SHISA6: variants seen among roughly 807,000 people sequenced by gnomAD.
The protein encoded by SHISA6 is shisa family member 6, also known as protein shisa-6.
Under a neutral mutation model 47.9 loss-of-function variants are expected in SHISA6, and 22 were observed. The ratio of observed to expected loss-of-function variants is 0.46; its 90% CI spans 0.33 to 0.66. The LOEUF (loss-of-function observed/expected upper bound fraction) is 0.66. SHISA6 is among the 30% of genes least tolerant of loss of function. The probability of loss-of-function intolerance (pLI) is 0.02; values close to 1 mark genes in which losing one functional copy is unlikely to be tolerated. For missense variants in SHISA6, 680 were observed against 764.6 expected (o/e 0.89, Z 1.30); for synonymous variants, 388 against 337.8 (o/e 1.15, Z -1.63).
intron 2 of SHISA6, among the ~76,000 whole-genome samples, chr17:11,332,928 T>G (rs2142206155): frequency 6.6e-6 from 1 of 152,124 alleles, no homozygotes; most frequent in South Asian, 2.1e-4. Context: ...GTGGTAGAAG[T>G]CAAACTGCCA....
At chr17:11,440,348 G>C (rs1915061269) in intron 3 of SHISA6, among the ~76,000 whole-genome samples, 1 of 152,066 alleles carries the variant, frequency 6.6e-6, no homozygotes, top group Admixed American at 6.6e-5. Flanking sequence ...GGGATATAAA[G>C]GAAGTATAGA....
chr17:11,459,644 C>T (rs1453105325), intron 3 of SHISA6, among the ~76,000 whole-genome samples: 1 of 152,194 alleles, frequency 6.6e-6, no homozygotes, highest in Non-Finnish European at 1.5e-5. Context: ...TGAAGGTCCA[C>T]ACTCCCTAGC....
At chr17:11,407,098 C>T (rs1913988584) in intron 3 of SHISA6, among the ~76,000 whole-genome samples, 1 of 152,064 alleles carries the variant, frequency 6.6e-6, no homozygotes, top group Non-Finnish European at 1.5e-5. Context: ...TAATAGCTAG[C>T]ACTTATAGAG....
At chr17:11,410,077 G>C (rs1018095388) in intron 3 of SHISA6, among the ~76,000 whole-genome samples, 1 of 152,204 alleles carries the variant, frequency 6.6e-6, no homozygotes, top group Admixed American at 6.5e-5. Context: ...CACAAGTTGT[G>C]AGTCCAGATG....
At chr17:11,316,414 TCTC>T (rs766343915) in intron 2 of SHISA6, among the ~76,000 whole-genome samples, 66 of 58,776 alleles carry the variant, frequency 1.1e-3, no homozygotes, top group East Asian at 2.8e-3. Context: ...TCTCTCTCTC[TCTC>T]TCTTTTTTTT....
chr17:11,259,877 G>A (rs1908159699), intron 1 of SHISA6, among the ~76,000 whole-genome samples: 1 of 152,142 alleles, frequency 6.6e-6, no homozygotes, highest in Non-Finnish European at 1.5e-5. Flanking sequence ...AGGATGCCCG[G>A]GCTCAAGTCA....
chr17:11,273,652 A>G (rs758429), intron 2 of SHISA6, among the ~76,000 whole-genome samples: 123,111 of 152,162 alleles, frequency 0.81, 52,245 homozygotes, highest in Non-Finnish European at 0.93. Flanking sequence ...AGGAGCCTTC[A>G]TTATCATAGT....
chr17:11,242,888 GA>G (rs1422594575), intron 1 of SHISA6, among the ~76,000 whole-genome samples: 1 of 152,108 alleles, frequency 6.6e-6, no homozygotes, highest in Non-Finnish European at 1.5e-5. Context: ...AGCCCTTGGG[GA>G]AGTCAAAGCC....
intron 2 of SHISA6, among the ~76,000 whole-genome samples, chr17:11,356,197 C>A (rs11867705): frequency 4.7e-4 from 71 of 152,214 alleles, no homozygotes; most frequent in African/African-American, 1.4e-3. Context: ...CCCATCTTCC[C>A]TGTTGATGCA....
chr17:11,380,353 T>A (rs979954244), intron 3 of SHISA6: 6 of 152,236 alleles, frequency 3.9e-5, no homozygotes, highest in African/African-American at 1.4e-4. Flanking sequence ...ACCTACTTTT[T>A]AAATTCCTTA....
chr17:11,456,135 G>A (rs1915527725), intron 3 of SHISA6, among the ~76,000 whole-genome samples: 1 of 152,214 alleles, frequency 6.6e-6, no homozygotes, highest in South Asian at 2.1e-4. Flanking sequence ...TGTGCATGCA[G>A]GAGGCATTTA....
chr17:11,341,244 A>T (rs1388533650), intron 2 of SHISA6, among the ~76,000 whole-genome samples: 2 of 151,914 alleles, frequency 1.3e-5, no homozygotes, highest in Non-Finnish European at 2.9e-5. Flanking sequence ...GACAAGGATC[A>T]TGGCAGCAGT....
chr17:11,253,324 TTTC>T (rs1907886806), intron 1 of SHISA6, among the ~76,000 whole-genome samples: 1 of 152,220 alleles, frequency 6.6e-6, no homozygotes, highest in South Asian at 2.1e-4. Context: ...TTTTTTTTTT[TTTC>T]TTTGTCTGAT....
intron 2 of SHISA6, among the ~76,000 whole-genome samples, chr17:11,303,184 A>T (rs1323919287): frequency 6.6e-6 from 1 of 150,842 alleles, no homozygotes; most frequent in Non-Finnish European, 1.5e-5. Context: ...GTTATGTTTG[A>T]GTGTGTGTGC....
At chr17:11,293,975 T>G (rs1383303475) in intron 2 of SHISA6, among the ~76,000 whole-genome samples, 2 of 152,176 alleles carry the variant, frequency 1.3e-5, no homozygotes. Context: ...AACCTCTGCC[T>G]CCTGGGTTCA....
intron 3 of SHISA6, among the ~76,000 whole-genome samples, chr17:11,454,209 C>G (rs1915474375): frequency 2.6e-5 from 4 of 152,166 alleles, no homozygotes; most frequent in Admixed American, 2.6e-4. Context: ...TGCACATCTT[C>G]AAGGTTCTAC....
chr17:11,335,480 T>C (rs1240829148), intron 2 of SHISA6, among the ~76,000 whole-genome samples: 1 of 152,176 alleles, frequency 6.6e-6, no homozygotes, highest in African/African-American at 2.4e-5. Flanking sequence ...AATGAATTTC[T>C]GATTGGACAG....
chr17:11,501,262 G>A (rs1236427918), intron 3 of SHISA6, among the ~76,000 whole-genome samples: 4 of 151,896 alleles, frequency 2.6e-5, no homozygotes, highest in Admixed American at 1.3e-4. Flanking sequence ...ACAGGTATCC[G>A]CCACCACGCC....
chr17:11,552,839 T>C (rs1394588853), intron 4 of SHISA6, among the ~76,000 whole-genome samples: 1 of 152,174 alleles, frequency 6.6e-6, no homozygotes, highest in Non-Finnish European at 1.5e-5. Context: ...ATAATCAGAT[T>C]TGTCAGGTTG....
Sources: gnomAD v4.1 joint callset for allele counts (sites outside exome capture counted in the v4.1 genomes callset) on GRCh38, gnomAD v4.1.1 for gene constraint, MANE v1.5 for transcripts, NCBI Gene and HGNC (gene_info 2026-07-23, HGNC 2026-07-21) for gene names.